The following POFUT2 variants were observed in gnomAD, a reference collection of about 807,000 sequenced individuals.
The protein encoded by POFUT2 is GDP-fucose protein O-fucosyltransferase 2.
Under a neutral mutation model 55.0 loss-of-function variants are expected in POFUT2, and 30 were observed. That is an observed-to-expected ratio of 0.55 (90% confidence interval 0.41 to 0.74). The LOEUF (loss-of-function observed/expected upper bound fraction) is 0.74, where lower values mean the gene tolerates loss of function less well. Among genes scored for constraint, POFUT2 ranks in the 30% least tolerant of loss-of-function variants. The pLI, the probability that POFUT2 is intolerant of heterozygous loss-of-function variation, is 0.00. For missense variants in POFUT2, 524 were observed against 562.6 expected (o/e 0.93, Z 0.69); for synonymous variants, 267 against 231.1 (o/e 1.16, Z -1.41).
intron 6 of POFUT2, among the ~76,000 whole-genome samples, chr21:45,271,555 G>A (rs2093219784): frequency 1.3e-5 from 2 of 152,146 alleles, no homozygotes; most frequent in Non-Finnish European, 2.9e-5. Flanking sequence ...AAGAATACCT[G>A]GGCAATTCAT....
At position 45,275,229 on chromosome 21, in the gene POFUT2, T is replaced by C. The variant is rs117506942; in HGVS notation, c.831+1788A>G. On this transcript the variant is annotated intron_variant, in intron 6 of 8. Coordinates refer to ENST00000349485, the MANE Select transcript of POFUT2 (RefSeq NM_133635.6). Reference sequence around the variant, plus strand: ...ATGAAAACCACAACAGGATACTACCTTACTCCTGCAAGAATGGCCATAATT... The same window carrying C: ...ATGAAAACCACAACAGGATACTACCCTACTCCTGCAAGAATGGCCATAATT... Among the ~76,000 whole-genome samples, 204 of 152,286 alleles carry C rather than the reference T, an allele frequency of 1.3e-3. 1 individual carries two copies. In the East Asian group the frequency reaches 0.025, roughly 19 times the overall value.
At position 45,278,001 on chromosome 21, in the gene POFUT2, C is replaced by G. The variant is rs1338189471; in HGVS notation, c.705+102G>C. On this transcript the variant is annotated intron_variant, in intron 5 of 8. Transcript: ENST00000349485. Reference sequence around the variant, plus strand: ...CATGGCTTAAAATGATGGTTTTAATCAGCAAGGTTCAAAAAGAGCTGTCGA... The same window carrying G: ...CATGGCTTAAAATGATGGTTTTAATGAGCAAGGTTCAAAAAGAGCTGTCGA... The G allele has an allele frequency of 5.2e-6, 5 of 969,518 alleles. No homozygotes were observed. The Admixed American group carries it at 8.7e-5, about 17-fold the overall frequency. The allele number at this position is 969,518 out of a possible 1,614,324, so 60.1% of individuals were successfully genotyped here.
Position 45,267,500 on chromosome 21 carries a change from A to T in POFUT2, c.1136+90T>A. 4 of 1,614,172 alleles carry T rather than the reference A, an allele frequency of 2.5e-6. No homozygotes were observed. Among genetic ancestry groups the T allele is most frequent in the Non-Finnish European group, 3.4e-6 (4 of 1,180,034 alleles). ...GAAATGACCACTGTGAACACAGGCG[A>T]CCATCTGCTCTGACACCGAGTACTT... On this transcript the variant is annotated intron_variant, in intron 8 of 8. Transcript: ENST00000349485. The surrounding 1 kb of genome is among the most constrained non-coding windows in gnomAD (Gnocchi z 4.4).
Position 45,282,977 on chromosome 21 carries a change from A to G in POFUT2, c.527+406T>C, listed in dbSNP as rs1409060959. 6.4e-6 allele frequency: 3 copies of G among 468,826 alleles called. 1 individual carries two copies. Among genetic ancestry groups the G allele is most frequent in the South Asian group, 4.7e-5 (3 of 64,334 alleles). The allele number at this position is 468,826 out of a possible 1,614,324, so 29.0% of individuals were successfully genotyped here. ...CAAATGCATGAAAAGACACAGGGAA[A>G]GAGGCACGGGGTCTCAGCCAGATGT... On this transcript the variant is annotated intron_variant, in intron 3 of 8. Coordinates refer to ENST00000349485, the MANE Select transcript of POFUT2 (RefSeq NM_133635.6). This position sits in a 1 kb window ranked among gnomAD's most constrained non-coding sequence, Gnocchi z 4.6.
At chr21:45,266,300 CAGGGCCAGCA>C (rs1403164690) in intron 8 of POFUT2, 2 of 1,365,970 alleles carry the variant, frequency 1.5e-6, no homozygotes, top group African/African-American at 1.5e-5. Context: ...CACAGAGCCA[CAGGGCCAGCA>C]GGCCACACAG....
chr21:45,265,366 G>C lies in POFUT2; in HGVS notation c.*116C>G, dbSNP rs577561643. 1 of 933,734 alleles carries C rather than the reference G, an allele frequency of 1.1e-6. No individual in the cohort carries two copies. Among genetic ancestry groups the C allele is most frequent in the Non-Finnish European group, 1.6e-6 (1 of 620,760 alleles). The allele number at this position is 933,734 out of a possible 1,614,324, so 57.8% of individuals were successfully genotyped here. A position where few individuals can be genotyped will look rare whatever the true frequency, so the allele number is the denominator to read the frequency against. ...GCCTCTTCTGGGCCTGGGACCCTGCGAGGGACGGTCCTGTCCGCCCAGCTC... is the reference window on the plus strand; with the variant it reads ...GCCTCTTCTGGGCCTGGGACCCTGCCAGGGACGGTCCTGTCCGCCCAGCTC... On this transcript the variant is annotated 3_prime_UTR_variant, in exon 9 of 9. Coordinates refer to ENST00000349485, the MANE Select transcript of POFUT2 (RefSeq NM_133635.6). This position sits in a 1 kb window ranked among gnomAD's most constrained non-coding sequence, Gnocchi z 4.6.
At chr21:45,272,103 A>G (rs76104228) in intron 6 of POFUT2, among the ~76,000 whole-genome samples, 2,401 of 152,268 alleles carry the variant, frequency 0.016, 74 homozygotes, top group African/African-American at 0.055. Context: ...CTTAAGAGAA[A>G]CAGAATGGCA....
At chr21:45,271,168 T>C (rs1602170128) in intron 6 of POFUT2, among the ~76,000 whole-genome samples, 1 of 148,942 alleles carries the variant, frequency 6.7e-6, no homozygotes, top group Non-Finnish European at 1.5e-5. Context: ...ACAATATGGA[T>C]GAAAAATGCT....
At position 45,278,167 on chromosome 21, in the gene POFUT2, GACCTGTTTTTAAACA is replaced by G; in HGVS notation, c.639-13_640del. The G allele has an allele frequency of 6.2e-7, 1 of 1,611,228 alleles. No individual in the cohort carries two copies. The highest frequency in any genetic ancestry group is 8.5e-7 in the Non-Finnish European group (1 of 1,177,406). The stretch of plus-strand genomic sequence containing the variant: ...GTTCTCGGCTCTGTCTAACATCACG[GACCTGTTTTTAAACA>G]ACAGAAGAATAAACAGTTATAAGAG... On this transcript the variant is annotated splice_acceptor_variant and splice_polypyrimidine_tract_variant and coding_sequence_variant and intron_variant, in exon 5 of 9. Transcript: ENST00000349485. LOFTEE classifies it high-confidence loss of function.
At chr21:45,278,453 A>G (rs574453110) in intron 4 of POFUT2, among the ~76,000 whole-genome samples, 2 of 152,380 alleles carry the variant, frequency 1.3e-5, no homozygotes, top group African/African-American at 4.8e-5. Flanking sequence ...GACAGTGGGC[A>G]AAAGGCTTGG....
At chr21:45,268,908 GT>G (rs1316078742) in intron 7 of POFUT2, among the ~76,000 whole-genome samples, 2 of 106,950 alleles carry the variant, frequency 1.9e-5, no homozygotes, top group Admixed American at 8.4e-5. Flanking sequence ...CGGGAGGGAG[GT>G]GGGGGGGTCA....
intron 6 of POFUT2, among the ~76,000 whole-genome samples, chr21:45,276,711 C>T (rs909250345): frequency 2.6e-5 from 4 of 152,164 alleles, no homozygotes; most frequent in South Asian, 4.1e-4. Flanking sequence ...CTCCTGCTTC[C>T]GCGCTCCTGG....
At chr21:45,273,121 TAAAC>T (rs2093233090) in intron 6 of POFUT2, among the ~76,000 whole-genome samples, 1 of 151,962 alleles carries the variant, frequency 6.6e-6, no homozygotes, top group Non-Finnish European at 1.5e-5. Context: ...TCTGAAAAGA[TAAAC>T]AACATTGATA....
intron 8 of POFUT2, chr21:45,266,460 G>A: frequency 1.7e-6 from 2 of 1,146,154 alleles, no homozygotes; most frequent in South Asian, 3.4e-5. Context: ...CGCAGCTGAG[G>A]GCAGGAGGCT....
At position 45,282,259 on chromosome 21, in the gene POFUT2, CG is replaced by C; in HGVS notation, c.638+89del. The C allele has an allele frequency of 1.2e-6, 1 of 855,564 alleles. No individual in the cohort carries two copies. The highest frequency in any genetic ancestry group is 1.9e-6 in the Non-Finnish European group (1 of 520,252). The allele number at this position is 855,564 out of a possible 1,614,324, so 53.0% of individuals were successfully genotyped here. ...CTGTGAGGTGGGTGGGCCAGGGATGCGGGAGTATGGGCGGAGAGCCCCCAGC... is the reference window on the plus strand; with the variant it reads ...CTGTGAGGTGGGTGGGCCAGGGATGCGGAGTATGGGCGGAGAGCCCCCAGC... On this transcript the variant is annotated intron_variant, in intron 4 of 8. Coordinates refer to ENST00000349485, the MANE Select transcript of POFUT2 (RefSeq NM_133635.6). The surrounding 1 kb of genome is among the most constrained non-coding windows in gnomAD (Gnocchi z 4.6).
In POFUT2 at chr21:45,277,665, T is replaced by C; in HGVS notation, c.705+438A>G. ...GGGGCAGCCACTTCCCGCCCTCTGC[T>C]CCCACTCACTCACAGAACCAGGGGT... On this transcript the variant is annotated intron_variant, in intron 5 of 8. Transcript: ENST00000349485. This position sits in a 1 kb window ranked among gnomAD's most constrained non-coding sequence, Gnocchi z 6.9. 4.4e-6 allele frequency: 1 copy of C among 227,242 alleles called. No homozygotes were observed. The highest frequency in any genetic ancestry group is 8.8e-6 in the Non-Finnish European group (1 of 113,626). 14.1% of individuals were successfully genotyped at this position (227,242 alleles called of 1,614,324 possible). A position where few individuals can be genotyped will look rare whatever the true frequency, so the allele number is the denominator to read the frequency against.
Position 45,267,346 on chromosome 21 carries a change from T to C in POFUT2, c.1136+244A>G, listed in dbSNP as rs1194902542. The C allele has an allele frequency of 7.2e-6, 11 of 1,537,700 alleles. No individual in the cohort carries two copies. Among genetic ancestry groups the C allele is most frequent in the South Asian group, 2.6e-5 (2 of 78,078 alleles). On this transcript the variant is annotated intron_variant, in intron 8 of 8. Coordinates refer to ENST00000349485, the MANE Select transcript of POFUT2 (RefSeq NM_133635.6). This position sits in a 1 kb window ranked among gnomAD's most constrained non-coding sequence, Gnocchi z 4.4. ...AGAGGTTCTGAGACGAGGCCAGCTA[T>C]GCCAACAGCCTGCTATGGAGGAATT...
Position 45,277,034 on chromosome 21 carries a change from C to A in POFUT2, c.814G>T (p.Asp272Tyr), listed in dbSNP as rs753561172. ...DDADRIPFQE[D>Y]WMKMKVKLGS... ...GGGGCTACCTTCATCTTCATCCAGTCCTCCTGGAAGGGGATCCTGTCTGCG... is the reference window on the plus strand; with the variant it reads ...GGGGCTACCTTCATCTTCATCCAGTACTCCTGGAAGGGGATCCTGTCTGCG... Residue 272 changes from aspartate to tyrosine, a missense_variant, in exon 6 of 9, where the codon GAC (aspartate) becomes TAC (tyrosine). Asp to Tyr is a radical substitution (Grantham distance 160, BLOSUM62 -3). This residue lies in a region of POFUT2 where 250 missense variants were observed against 318.2 expected (regional missense o/e 0.79). Coordinates refer to ENST00000349485, the MANE Select transcript of POFUT2 (RefSeq NM_133635.6). The surrounding 1 kb of genome is among the most constrained non-coding windows in gnomAD (Gnocchi z 6.9). The A allele has an allele frequency of 6.2e-7, 1 of 1,614,130 alleles. No homozygotes were observed. The highest frequency in any genetic ancestry group is 1.1e-5 in the South Asian group (1 of 91,084).
At position 45,269,945 on chromosome 21, in the gene POFUT2, G is replaced by C. The variant is rs768945158; in HGVS notation, c.906C>G (p.His302Gln). The C allele has an allele frequency of 6.2e-7, 1 of 1,602,358 alleles. No individual in the cohort carries two copies. The highest frequency in any genetic ancestry group is 8.5e-7 in the Non-Finnish European group (1 of 1,176,234). ...CTTCCAGACTGGGTACATCCTGTCT[G>C]TGACCCCAGATGAAATCTTTTCTTC... ...HLRRKDFIWG[H>Q]RQDVPSLEGA... Residue 302 changes from histidine (H) to glutamine (Q), a missense_variant, in exon 7 of 9, where the codon CAC (histidine) becomes CAG (glutamine). By Grantham distance (24) the His-to-Gln change is conservative. Transcript: ENST00000349485.
Sources: allele counts gnomAD v4.1 joint callset (sites outside exome capture counted in the v4.1 genomes callset), GRCh38; gene constraint gnomAD v4.1.1; regional missense constraint gnomAD v4.1.1; non-coding constraint Gnocchi (gnomAD v3.1); transcripts MANE v1.5; gene names NCBI Gene and HGNC (gene_info 2026-07-23, HGNC 2026-07-21).